The following GABRA2 variants were observed in gnomAD, a reference collection of about 807,000 sequenced individuals.
GABRA2 encodes the protein gamma-aminobutyric acid receptor subunit alpha-2.
Under a neutral mutation model 48.7 loss-of-function variants are expected in GABRA2, and 16 were observed. The observed-to-expected ratio is 0.33, with a 90% CI of 0.22 to 0.50. GABRA2 has a LOEUF of 0.50. GABRA2 is among the 20% of genes least tolerant of loss of function. The pLI is 0.98. For synonymous variants in GABRA2, 185 were observed against 184.5 expected, an observed-to-expected ratio of 1.00 and a Z score of -0.02; for missense variants, 275 against 535.6, an observed-to-expected ratio of 0.51 and a Z score of 4.80.
chr4:46,303,850 C>T (rs909109205), intron 7 of GABRA2, among the ~76,000 whole-genome samples: 1 of 152,056 alleles, frequency 6.6e-6, no homozygotes, highest in African/African-American at 2.4e-5. Flanking sequence ...AGATTAAGTA[C>T]CTCTTATGTA....
At chr4:46,295,222 C>T (rs777138253) in intron 8 of GABRA2, among the ~76,000 whole-genome samples, 4 of 152,190 alleles carry the variant, frequency 2.6e-5, no homozygotes, top group African/African-American at 4.8e-5. Flanking sequence ...GGCAGAACTT[C>T]GAACTGTGCA....
rs1004498709 is a variant in GABRA2, at chr4:46,370,365, A to G, written c.187+15709T>C. ...GAGAGAAGATAAAGAGAAACCAAAG[A>G]AAAAAAACTGATAAAGAACAGTAGA... On this transcript the variant is annotated intron_variant, in intron 3 of 9. Transcript: ENST00000381620. Among the ~76,000 whole-genome samples, 12 of 150,722 alleles carry G rather than the reference A, an allele frequency of 8.0e-5. No homozygotes were observed. In the South Asian group the frequency reaches 1.7e-3, roughly 21 times the overall value.
Position 46,310,109 on chromosome 4 carries a change from G to A in GABRA2, c.559+64C>T, listed in dbSNP as rs568758709. The A allele has an allele frequency of 1.0e-4, 114 of 1,099,472 alleles. 1 individual carries two copies. The Middle Eastern group carries it at 1.6e-3, about 16-fold the overall frequency. The allele number at this position is 1,099,472 out of a possible 1,614,324, so 68.1% of individuals were successfully genotyped here. A position where few individuals can be genotyped will look rare whatever the true frequency, so the allele number is the denominator to read the frequency against. ...TTTGAGAAAAAAACTAGACAATTGA[G>A]CAGTGCTGCTGACTTTCCCTGATAT... On this transcript the variant is annotated intron_variant, in intron 6 of 9. Transcript: ENST00000381620.
intron 8 of GABRA2, among the ~76,000 whole-genome samples, chr4:46,281,637 C>T (rs1347664184): frequency 6.6e-6 from 1 of 152,176 alleles, no homozygotes; most frequent in Admixed American, 6.6e-5. Flanking sequence ...AGCAGTGTGG[C>T]AGACCTTGCC....
At chr4:46,384,606 T>G (rs868727118) in intron 3 of GABRA2, among the ~76,000 whole-genome samples, 1 of 152,138 alleles carries the variant, frequency 6.6e-6, no homozygotes. Context: ...TGACAGCAGG[T>G]GATTTATTTT....
At chr4:46,367,454 C>T (rs1009163377) in intron 3 of GABRA2, 1 of 152,004 alleles carries the variant, frequency 6.6e-6, no homozygotes, top group Non-Finnish European at 1.5e-5. Flanking sequence ...ATTACTGTCA[C>T]GGAGGTTGAA....
chr4:46,302,505 G>C (rs1423565641), intron 8 of GABRA2: 1 of 152,004 alleles, frequency 6.6e-6, no homozygotes, highest in Non-Finnish European at 1.5e-5. Flanking sequence ...AAACACTCTA[G>C]TAAAAGTGAA....
intron 8 of GABRA2, among the ~76,000 whole-genome samples, chr4:46,278,582 C>A (rs1720941691): frequency 6.6e-6 from 1 of 152,108 alleles, no homozygotes; most frequent in Non-Finnish European, 1.5e-5. Flanking sequence ...TTATTAAGGA[C>A]TTTCTGCCTA....
chr4:46,350,420 CT>C (rs1734923641), intron 3 of GABRA2, among the ~76,000 whole-genome samples: 1 of 151,744 alleles, frequency 6.6e-6, no homozygotes, highest in African/African-American at 2.4e-5. Flanking sequence ...AAATTTTCAT[CT>C]CATTATATGT....
intron 8 of GABRA2, among the ~76,000 whole-genome samples, chr4:46,291,774 C>CATATATATATATATATATAT (rs1415105864): frequency 9.3e-6 from 1 of 107,872 alleles, no homozygotes; most frequent in Non-Finnish European, 2.1e-5. Flanking sequence ...AATAAACACA[C>CATATATATATATATATATAT]ACATATATAT....
chr4:46,297,634 TTC>T (rs1725002079), intron 8 of GABRA2, among the ~76,000 whole-genome samples: 1 of 151,176 alleles, frequency 6.6e-6, no homozygotes, highest in South Asian at 2.1e-4. Flanking sequence ...TTTTTGAATT[TTC>T]TCTCTTTTTC....
At chr4:46,314,523 G>A (rs1288768911) in intron 4 of GABRA2, among the ~76,000 whole-genome samples, 1 of 151,710 alleles carries the variant, frequency 6.6e-6, no homozygotes, top group Non-Finnish European at 1.5e-5. Context: ...AGATATGGGG[G>A]CATATGTGCA....
intron 6 of GABRA2, among the ~76,000 whole-genome samples, chr4:46,305,967 A>G (rs1045064608): frequency 1.1e-4 from 16 of 152,178 alleles, no homozygotes; most frequent in African/African-American, 3.9e-4. Context: ...ATTTCTTGTT[A>G]GAGTCTGTTA....
chr4:46,246,005 T>C lies in GABRA2; in HGVS notation c.*4303A>G, dbSNP rs1713650338. Among the ~76,000 whole-genome samples, 1 of 151,230 alleles carries C rather than the reference T, an allele frequency of 6.6e-6. No individual in the cohort carries two copies. The highest frequency in any genetic ancestry group is 2.4e-5 in the African/African-American group (1 of 41,354). ...GAATTTTAGCAAAAAAACAAAATTA[T>C]GATATATAATATTTATAAGTAGATA... On this transcript the variant is annotated 3_prime_UTR_variant, in exon 10 of 10. Transcript: ENST00000381620.
chr4:46,367,667 A>C (rs1714255479), intron 3 of GABRA2: 1 of 152,186 alleles, frequency 6.6e-6, no homozygotes, highest in Non-Finnish European at 1.5e-5. Context: ...TCATATCTTC[A>C]TAATAATTAA....
At chr4:46,376,828 T>C (rs1349782822) in intron 3 of GABRA2, among the ~76,000 whole-genome samples, 4 of 151,932 alleles carry the variant, frequency 2.6e-5, no homozygotes, top group Non-Finnish European at 4.4e-5. Context: ...GAGCTGAAGC[T>C]GGACGGTACT....
intron 6 of GABRA2, among the ~76,000 whole-genome samples, chr4:46,306,221 A>C (rs1439285946): frequency 6.6e-6 from 1 of 152,248 alleles, no homozygotes; most frequent in Non-Finnish European, 1.5e-5. Context: ...TAGAACATAT[A>C]AGATAAATAA....
rs1714067468 is a variant in GABRA2 at position 46,248,192 on chromosome 4, G to A, written c.*2116C>T. ...TATAGTCAGACATTAAGGGGGCAATGCGGACTTTACAAGACAAATATTCTT... is the reference window on the plus strand; with the variant it reads ...TATAGTCAGACATTAAGGGGGCAATACGGACTTTACAAGACAAATATTCTT... On this transcript the variant is annotated 3_prime_UTR_variant, in exon 10 of 10. Transcript: ENST00000381620. Among the ~76,000 whole-genome samples, 1 of 151,264 alleles carries A rather than the reference G, an allele frequency of 6.6e-6. No homozygotes were observed. Among genetic ancestry groups the A allele is most frequent in the South Asian group, 2.1e-4 (1 of 4,828 alleles).
intron 4 of GABRA2, among the ~76,000 whole-genome samples, chr4:46,315,061 C>A (rs1728314946): frequency 6.6e-6 from 1 of 151,632 alleles, no homozygotes. Flanking sequence ...TGAGAAATTT[C>A]CAGACTGCTT....
Sources: gnomAD v4.1 joint callset for allele counts (sites outside exome capture counted in the v4.1 genomes callset) on GRCh38, gnomAD v4.1.1 for gene constraint, MANE v1.5 for transcripts, NCBI Gene and HGNC (gene_info 2026-07-23, HGNC 2026-07-21) for gene names.